ARNT2: variants seen among roughly 807,000 people sequenced by gnomAD.
ARNT2 encodes the protein ARNT protein 2.
A neutral mutation model predicts 91.7 loss-of-function variants in ARNT2; 36 were observed. The observed-to-expected ratio is 0.39, with a 90% CI of 0.30 to 0.52. ARNT2 has a LOEUF of 0.52. Among genes scored for constraint, ARNT2 ranks in the 20% least tolerant of loss-of-function variants. The pLI is 0.72. For missense variants in ARNT2, 775 were observed against 939.3 expected (o/e 0.83, Z 2.29); for synonymous variants, 365 against 347.1 (o/e 1.05, Z -0.57).
chr15:80,579,175 T>A (rs1355676465), intron 15 of ARNT2, among the ~76,000 whole-genome samples: 1 of 152,076 alleles, frequency 6.6e-6, no homozygotes, highest in Non-Finnish European at 1.5e-5. Flanking sequence ...CCCTCATCAG[T>A]CAGTGTTTTG....
chr15:80,407,805 A>G (rs145163803), intron 1 of ARNT2, among the ~76,000 whole-genome samples: 48 of 152,308 alleles, frequency 3.2e-4, no homozygotes, highest in Non-Finnish European at 5.1e-4. Context: ...AATTAGTTAT[A>G]TACATAAAAG....
In ARNT2 at chr15:80,576,896, C is replaced by G; in HGVS notation, c.1544C>G (p.Ala515Gly). Residue 515 changes from alanine to glycine, a missense_variant, in exon 15 of 19, where the codon GCA (alanine) becomes GGA (glycine). Physicochemically the swap from Ala to Gly is moderately conservative, Grantham distance 60. Coordinates refer to ENST00000303329, the MANE Select transcript of ARNT2 (RefSeq NM_014862.4). ...AAGAAGATGATGAGCTCAGCCTCTG[C>G]AGCAGGAACCCAGCAGATCTACTCC... ...SEKKMMSSAS[A>G]AGTQQIYSQG... The G allele has an allele frequency of 6.2e-7, 1 of 1,614,108 alleles. No homozygotes were observed. The highest frequency in any genetic ancestry group is 8.5e-7 in the Non-Finnish European group (1 of 1,180,030).
chr15:80,597,544 C>G lies in ARNT2; in HGVS notation c.*3846C>G, dbSNP rs1893394370. 4.0e-6 allele frequency: 1 copy of G among 249,656 alleles called. No homozygotes were observed. 15.5% of individuals were successfully genotyped at this position (249,656 alleles called of 1,614,324 possible). A position where few individuals can be genotyped will look rare whatever the true frequency, so the allele number is the denominator to read the frequency against. ...ACCACACAGTGGTGCAGGCACATTT[C>G]CAAGCGTAGGTGTCCCTGGCTTTTG... is the stretch of plus-strand genomic sequence containing the variant. On this transcript the variant is annotated 3_prime_UTR_variant, in exon 19 of 19. Transcript: ENST00000303329.
In ARNT2 at chr15:80,594,373, G is replaced by A. The variant is rs1193122327; in HGVS notation, c.*675G>A. 1 of 152,384 alleles carries A rather than the reference G, an allele frequency of 6.6e-6. No individual in the cohort carries two copies. The highest frequency in any genetic ancestry group is 2.4e-5 in the African/African-American group (1 of 41,450). 9.4% of individuals were successfully genotyped at this position (152,384 alleles called of 1,614,324 possible). ...GATTGTATAGAATCCAGAGTATGTA[G>A]AGAGCCAAAATGTGTGGCCCTGTCC... On this transcript the variant is annotated 3_prime_UTR_variant, in exon 19 of 19. Transcript: ENST00000303329.
intron 3 of ARNT2, among the ~76,000 whole-genome samples, chr15:80,463,394 T>C (rs983576580): frequency 6.6e-6 from 1 of 152,130 alleles, no homozygotes; most frequent in African/African-American, 2.4e-5. Flanking sequence ...TCAGTTCATA[T>C]GAACCAGACA....
chr15:80,564,438 T>TC (rs1690257275), intron 12 of ARNT2, among the ~76,000 whole-genome samples: 2 of 151,586 alleles, frequency 1.3e-5, no homozygotes, highest in Admixed American at 1.3e-4. Flanking sequence ...ACCCTCTGAG[T>TC]CCTCAGCCTC....
intron 8 of ARNT2, among the ~76,000 whole-genome samples, chr15:80,536,532 T>C (rs746033087): frequency 1.3e-5 from 2 of 152,206 alleles, no homozygotes; most frequent in Non-Finnish European, 2.9e-5. Flanking sequence ...GCTGCTGATA[T>C]TCACCCGTGC....
intron 3 of ARNT2, among the ~76,000 whole-genome samples, chr15:80,466,947 A>G (rs1219544316): frequency 6.6e-6 from 1 of 152,242 alleles, no homozygotes; most frequent in Non-Finnish European, 1.5e-5. Context: ...ATCTCTGTTT[A>G]AGATTCCCCA....
At chr15:80,532,249 G>C (rs1897752089) in intron 8 of ARNT2, among the ~76,000 whole-genome samples, 1 of 152,050 alleles carries the variant, frequency 6.6e-6, no homozygotes, top group Non-Finnish European at 1.5e-5. Context: ...TCTGAGTCAG[G>C]ACACCTCTTT....
At chr15:80,508,707 G>T (rs1376473377) in intron 6 of ARNT2, among the ~76,000 whole-genome samples, 2 of 152,156 alleles carry the variant, frequency 1.3e-5, no homozygotes, top group Non-Finnish European at 2.9e-5. Context: ...TAAATGTCTG[G>T]GTTCCATGAG....
At chr15:80,522,835 T>TATATATAC (rs1566992753) in intron 8 of ARNT2, among the ~76,000 whole-genome samples, 1 of 148,970 alleles carries the variant, frequency 6.7e-6, no homozygotes, top group Non-Finnish European at 1.5e-5. Flanking sequence ...TATATATATA[T>TATATATAC]ACACACATTA....
chr15:80,516,255 C>A (rs1366945711), intron 8 of ARNT2, among the ~76,000 whole-genome samples: 2 of 152,188 alleles, frequency 1.3e-5, no homozygotes, highest in Non-Finnish European at 2.9e-5. Context: ...GACTTTTTTG[C>A]CTGCTCAATG....
At chr15:80,462,773 C>T (rs552627441) in intron 3 of ARNT2, among the ~76,000 whole-genome samples, 3 of 152,134 alleles carry the variant, frequency 2.0e-5, no homozygotes, top group Non-Finnish European at 4.4e-5. Flanking sequence ...AACATTGTGC[C>T]TTATATTTTG....
intron 5 of ARNT2, among the ~76,000 whole-genome samples, chr15:80,505,947 T>TTTTTTTTTTTTTA (rs1897269038): frequency 1.6e-5 from 2 of 121,238 alleles, no homozygotes. Flanking sequence ...TTTTTTTTTT[T>TTTTTTTTTTTTTA]GAGACGGAGT....
At chr15:80,503,646 C>T (rs535463486) in intron 5 of ARNT2, among the ~76,000 whole-genome samples, 2 of 152,354 alleles carry the variant, frequency 1.3e-5, no homozygotes, top group African/African-American at 2.4e-5. Context: ...TGACAATTTA[C>T]ACTAACATGG....
chr15:80,473,888 T>C (rs1237301497), intron 4 of ARNT2, among the ~76,000 whole-genome samples: 1 of 152,216 alleles, frequency 6.6e-6, no homozygotes, highest in East Asian at 1.9e-4. Flanking sequence ...CAGTGGGGTT[T>C]TCACATAAGA....
At chr15:80,538,255 T>C (rs892352612) in intron 8 of ARNT2, among the ~76,000 whole-genome samples, 3 of 152,190 alleles carry the variant, frequency 2.0e-5, no homozygotes, top group Non-Finnish European at 4.4e-5. Flanking sequence ...GCCATTGAAA[T>C]GTAAATGAGG....
intron 5 of ARNT2, among the ~76,000 whole-genome samples, chr15:80,490,525 C>G (rs78574534): frequency 0.016 from 2,373 of 152,322 alleles, 44 homozygotes; most frequent in East Asian, 0.069. Context: ...GTTGGTGGAG[C>G]TGGCTGCAGG....
At chr15:80,560,521 C>G (rs1000331077) in intron 11 of ARNT2, among the ~76,000 whole-genome samples, 9 of 152,170 alleles carry the variant, frequency 5.9e-5, no homozygotes, top group African/African-American at 1.9e-4. Flanking sequence ...CTTTCCCCAG[C>G]TCCTAAGGTC....
Sources: allele counts gnomAD v4.1 joint callset (sites outside exome capture counted in the v4.1 genomes callset), GRCh38; gene constraint gnomAD v4.1.1; transcripts MANE v1.5; gene names NCBI Gene and HGNC (gene_info 2026-07-23, HGNC 2026-07-21).